RASGRF1: variants seen among roughly 807,000 people sequenced by gnomAD.
RASGRF1 encodes ras-specific guanine nucleotide-releasing factor 1.
A neutral mutation model predicts 138.7 loss-of-function variants in RASGRF1; 40 were observed. That is an observed-to-expected ratio of 0.29 (90% CI 0.22 to 0.38). RASGRF1 has a LOEUF of 0.38. RASGRF1 is among the 10% of genes least tolerant of loss of function. RASGRF1 has a pLI of 1.00. For synonymous variants in RASGRF1, 614 were observed against 663.2 expected, an observed-to-expected ratio of 0.93 and a Z score of 1.14; for missense variants, 1,108 against 1,650.4, an observed-to-expected ratio of 0.67 and a Z score of 5.69.
chr15:78,999,833 C>G lies in RASGRF1; in HGVS notation c.2656G>C (p.Ala886Pro). ...GTTGCTATGGCAAAGGCAGAGGCGGCCGACAAGGCACTGCGGTTATTGTCC... is the reference window on the plus strand; with the variant it reads ...GTTGCTATGGCAAAGGCAGAGGCGGGCGACAAGGCACTGCGGTTATTGTCC... ...ELDNNRSALS[A>P]ASAFAIATAG... Residue 886 changes from alanine to proline, a missense_variant, in exon 17 of 27, where the codon GCC becomes CCC. Ala to Pro is a conservative substitution (Grantham distance 27). Coordinates refer to ENST00000558480, the MANE Select transcript of RASGRF1 (RefSeq NM_001145648.3). 1 of 1,614,104 alleles carries G rather than the reference C, an allele frequency of 6.2e-7. No individual in the cohort carries two copies. The highest frequency in any genetic ancestry group is 8.5e-7 in the Non-Finnish European group (1 of 1,179,970).
intron 26 of RASGRF1, among the ~76,000 whole-genome samples, chr15:78,964,807 A>AT (rs1221650283): frequency 1.3e-5 from 2 of 152,176 alleles, no homozygotes; most frequent in African/African-American, 4.8e-5. Context: ...AACTGTTTTC[A>AT]TTTTTTTGTG....
intron 1 of RASGRF1, among the ~76,000 whole-genome samples, chr15:79,074,864 A>C (rs1470660491): frequency 2.6e-5 from 4 of 152,204 alleles, no homozygotes; most frequent in Non-Finnish European, 1.5e-5. Context: ...CTCCACAGAG[A>C]TCAAGGATGG....
At chr15:79,079,394 C>T (rs900271033) in intron 1 of RASGRF1, among the ~76,000 whole-genome samples, 34 of 149,960 alleles carry the variant, frequency 2.3e-4, no homozygotes, top group Non-Finnish European at 3.4e-4. Flanking sequence ...TTATTAACTG[C>T]GGCTCCATTT....
intron 25 of RASGRF1, 48 bp from the exon 26 acceptor site, chr15:78,971,982 C>T (rs536690470): frequency 6.7e-7 from 1 of 1,484,830 alleles, no homozygotes; most frequent in Non-Finnish European, 9.4e-7. Context: ...TCTCCTAGTT[C>T]CACCCCCAAC....
At chr15:78,992,751 G>T (rs2056296932) in intron 20 of RASGRF1, among the ~76,000 whole-genome samples, 1 of 152,182 alleles carries the variant, frequency 6.6e-6, no homozygotes, top group African/African-American at 2.4e-5. Flanking sequence ...CTGTCCAGAA[G>T]TCCCGGCTGG....
rs930546749 is a variant in RASGRF1, at chr15:79,003,695, C to T, written c.2449+107G>A. The stretch of plus-strand genomic sequence containing the variant: ...GGTGGGACCCCCAAGCCTCTCCCTT[C>T]CTTCCCCATGGGAGCAGGAAGAGCA... On this transcript the variant is annotated intron_variant, in intron 15 of 26. Coordinates refer to ENST00000558480, the MANE Select transcript of RASGRF1 (RefSeq NM_001145648.3). The T allele has an allele frequency of 4.7e-6, 7 of 1,478,592 alleles. No homozygotes were observed. In the African/African-American group the frequency reaches 8.4e-5, roughly 18 times the overall value. 91.6% of individuals were successfully genotyped at this position (1,478,592 alleles called of 1,614,324 possible).
chr15:78,975,394 T>TA (rs565497293), intron 24 of RASGRF1, among the ~76,000 whole-genome samples: 2,012 of 121,988 alleles, frequency 0.016, 46 homozygotes, highest in African/African-American at 0.071. Context: ...GCTTTGTGAT[T>TA]AAAAAAAAAA....
intron 1 of RASGRF1, among the ~76,000 whole-genome samples, chr15:79,086,240 C>A (rs764741678): frequency 1.3e-5 from 2 of 152,122 alleles, no homozygotes; most frequent in Non-Finnish European, 2.9e-5. Flanking sequence ...TTAGAGCAAC[C>A]TTATTTTTCT....
Position 79,011,545 on chromosome 15 carries a change from G to A in RASGRF1, c.1826+3782C>T, listed in dbSNP as rs185442914. On this transcript the variant is annotated intron_variant, in intron 13 of 26. Transcript: ENST00000558480. The stretch of plus-strand genomic sequence containing the variant: ...GCTATTCTGACCCTCTGTGTCCCCT[G>A]CCCAAGAAATGCAGAGAAAGGTGTA... Among the ~76,000 whole-genome samples the A allele has an allele frequency of 5.3e-5, 8 of 152,312 alleles. No homozygotes were observed. The East Asian group carries it at 1.4e-3, about 26-fold the overall frequency.
intron 26 of RASGRF1, among the ~76,000 whole-genome samples, chr15:78,966,495 C>T (rs144430606): frequency 0.016 from 2,411 of 152,172 alleles, 19 homozygotes; most frequent in East Asian, 0.026. Flanking sequence ...CTGTCTTGGC[C>T]TCCCAAAGTG....
chr15:79,003,451 C>T (rs533462323), intron 15 of RASGRF1, among the ~76,000 whole-genome samples: 1 of 152,226 alleles, frequency 6.6e-6, no homozygotes, highest in African/African-American at 2.4e-5. Flanking sequence ...TGGGCCTGGC[C>T]CAGGCCCTGT....
chr15:79,074,667 C>T (rs772655740), intron 1 of RASGRF1, among the ~76,000 whole-genome samples: 7 of 152,206 alleles, frequency 4.6e-5, no homozygotes, highest in African/African-American at 1.7e-4. Flanking sequence ...ACAGAACCAT[C>T]GCTGGGGTCC....
At chr15:79,038,203 G>A (rs1406936823) in intron 5 of RASGRF1, among the ~76,000 whole-genome samples, 1 of 152,150 alleles carries the variant, frequency 6.6e-6, no homozygotes, top group Non-Finnish European at 1.5e-5. Flanking sequence ...GATCCTTTTA[G>A]ATAACCCTGA....
At chr15:78,990,335 C>A in intron 21 of RASGRF1, 62 bp from the exon 22 acceptor site, 1 of 1,121,088 alleles carries the variant, frequency 8.9e-7, no homozygotes, top group Non-Finnish European at 1.3e-6. Flanking sequence ...GATTTCATTG[C>A]TCCATGCTTT....
intron 1 of RASGRF1, among the ~76,000 whole-genome samples, chr15:79,065,187 T>G (rs534859317): frequency 6.6e-6 from 1 of 152,224 alleles, no homozygotes; most frequent in Non-Finnish European, 1.5e-5. Flanking sequence ...CTGTAATTAA[T>G]GTGGTGTGAT....
At position 79,073,621 on chromosome 15, in the gene RASGRF1, G is replaced by A. The variant is rs906967453; in HGVS notation, c.277-9095C>T. Among the ~76,000 whole-genome samples, 4 of 152,170 alleles carry A rather than the reference G, an allele frequency of 2.6e-5. No homozygotes were observed. Among genetic ancestry groups the A allele is most frequent in the African/African-American group, 9.7e-5 (4 of 41,426 alleles). ...TTGCACTGAGGGTGGGAAGCTAGAG[G>A]TGGCGTGTCAGGCTCTGGCTACAGG... On this transcript the variant is annotated intron_variant, in intron 1 of 26. Coordinates refer to ENST00000558480, the MANE Select transcript of RASGRF1 (RefSeq NM_001145648.3). This position sits in a 1 kb window ranked among gnomAD's most constrained non-coding sequence, Gnocchi z 4.2.
intron 1 of RASGRF1, among the ~76,000 whole-genome samples, chr15:79,089,957 T>A (rs993675409): frequency 1.3e-5 from 2 of 152,128 alleles, no homozygotes; most frequent in Non-Finnish European, 2.9e-5. Flanking sequence ...TGTCGGCCCC[T>A]CTGTACCCGC....
At chr15:78,974,995 G>A (rs753174331) in intron 24 of RASGRF1, among the ~76,000 whole-genome samples, 3 of 152,234 alleles carry the variant, frequency 2.0e-5, no homozygotes, top group East Asian at 1.9e-4. Context: ...GAGGCCTGGC[G>A]TTAGGGACAC....
intron 5 of RASGRF1, among the ~76,000 whole-genome samples, chr15:79,037,390 T>C (rs2057236873): frequency 6.6e-6 from 1 of 151,818 alleles, no homozygotes; most frequent in African/African-American, 2.4e-5. Context: ...GGAGGTGCGG[T>C]GGGGAGATGG....
Sources: allele counts gnomAD v4.1 joint callset (sites outside exome capture counted in the v4.1 genomes callset), GRCh38; gene constraint gnomAD v4.1.1; non-coding constraint Gnocchi (gnomAD v3.1); transcripts MANE v1.5; gene names NCBI Gene and HGNC (gene_info 2026-07-23, HGNC 2026-07-21).